Variants in FAP observed in about 807,000 individuals in gnomAD.
The protein encoded by FAP is prolyl endopeptidase FAP.
FAP carries 110 observed loss-of-function variants against 126.5 expected under a neutral mutation model. That is an observed-to-expected ratio of 0.87 (90% CI 0.74 to 1.02). The LOEUF (loss-of-function observed/expected upper bound fraction) is 1.02. Ranked by LOEUF, FAP falls within the 50% of genes least tolerant of loss-of-function variation. The probability of loss-of-function intolerance (pLI) is 0.00; values close to 1 mark genes in which losing one functional copy is unlikely to be tolerated. For synonymous variants in FAP, 334 were observed against 297.3 expected, an observed-to-expected ratio of 1.12 and a Z score of -1.27; for missense variants, 919 against 909.2, an observed-to-expected ratio of 1.01 and a Z score of -0.14.
intron 4 of FAP, 50 bp from the exon 5 acceptor site, chr2:162,224,590 C>G: frequency 1.1e-5 from 13 of 1,148,210 alleles, no homozygotes; most frequent in Non-Finnish European, 1.6e-5. Flanking sequence ...AACAAAGAAC[C>G]ATGTAAATTT....
intron 11 of FAP, among the ~76,000 whole-genome samples, chr2:162,211,276 T>C (rs564100966): frequency 6.6e-6 from 1 of 152,308 alleles, no homozygotes; most frequent in South Asian, 2.1e-4. Context: ...GGTTCCCGAA[T>C]GACTATATGA....
intron 5 of FAP, among the ~76,000 whole-genome samples, chr2:162,224,067 C>T (rs1232908096): frequency 6.6e-6 from 1 of 151,896 alleles, no homozygotes; most frequent in African/African-American, 2.4e-5. Flanking sequence ...CTAATTATAC[C>T]CTTTAAAATT....
chr2:162,231,263 A>G (rs1689891958), intron 2 of FAP, among the ~76,000 whole-genome samples: 1 of 152,164 alleles, frequency 6.6e-6, no homozygotes, highest in Non-Finnish European at 1.5e-5. Flanking sequence ...CACAGCATCA[A>G]ATACACTAAA....
chr2:162,224,283 A>G (rs3827491), intron 5 of FAP, among the ~76,000 whole-genome samples, 183 bp downstream of exon 5: 20,635 of 152,132 alleles, frequency 0.14, 3,229 homozygotes, highest in African/African-American at 0.36. Flanking sequence ...TCCTTAAAGC[A>G]CTTTCACGCT....
chr2:162,177,039 T>C (rs1424460752), intron 21 of FAP, among the ~76,000 whole-genome samples: 2 of 152,036 alleles, frequency 1.3e-5, no homozygotes, highest in African/African-American at 2.4e-5. Flanking sequence ...ATTGTAGAAA[T>C]GAAGAGGGGG....
In FAP at chr2:162,171,160, AC is replaced by A. The variant is rs1687292724; in HGVS notation, c.2182-81del. ...GCTTGGACTTTTTTGTGCTCTCAGG[AC>A]CTGATAATCTTTCTATTATGGGGAA... is the stretch of plus-strand genomic sequence containing the variant. On this transcript the variant is annotated intron_variant, in intron 25 of 25. Transcript: ENST00000188790. 4 of 988,998 alleles carry A rather than the reference AC, an allele frequency of 4.0e-6. No homozygotes were observed. In the East Asian group the frequency reaches 7.2e-5, roughly 18 times the overall value. 61.3% of individuals were successfully genotyped at this position (988,998 alleles called of 1,614,324 possible).
intron 10 of FAP, among the ~76,000 whole-genome samples, chr2:162,214,836 A>G (rs1287843536): frequency 6.6e-6 from 1 of 152,038 alleles, no homozygotes; most frequent in Non-Finnish European, 1.5e-5. Flanking sequence ...GAATAATAAT[A>G]TTACCTATTT....
intron 8 of FAP, among the ~76,000 whole-genome samples, chr2:162,218,594 TAG>T (rs1689254487): frequency 1.3e-5 from 2 of 151,828 alleles, no homozygotes; most frequent in East Asian, 3.9e-4. Flanking sequence ...GATAGATAGA[TAG>T]ATAGATAAAT....
chr2:162,190,954 A>T (rs1688020770), intron 17 of FAP, among the ~76,000 whole-genome samples: 1 of 152,144 alleles, frequency 6.6e-6, no homozygotes, highest in Non-Finnish European at 1.5e-5. Flanking sequence ...AATGAATTTC[A>T]CATTAACTTT....
intron 12 of FAP, chr2:162,209,631 G>A: frequency 4.6e-6 from 1 of 216,410 alleles, no homozygotes; most frequent in South Asian, 1.4e-4. Context: ...TAACAGATCA[G>A]GGATTTTGTC....
chr2:162,200,739 T>G, intron 14 of FAP, 120 bp from the exon 15 acceptor site: 2 of 523,906 alleles, frequency 3.8e-6, no homozygotes, highest in Non-Finnish European at 6.8e-6. Context: ...AATTAATTGG[T>G]GCTTAAGTAC....
chr2:162,212,928 A>C (rs1242164562), intron 11 of FAP, among the ~76,000 whole-genome samples: 1 of 152,224 alleles, frequency 6.6e-6, no homozygotes, highest in Admixed American at 6.5e-5. Context: ...TAATAGAAAC[A>C]ATTAAAACTC....
rs1265449086 is a variant in FAP at position 162,236,330 on chromosome 2, G to A, written c.91+6578C>T. 2.0e-5 allele frequency among the ~76,000 whole-genome samples: 3 copies of A among 152,118 alleles called. No individual in the cohort carries two copies. In the South Asian group the frequency reaches 6.2e-4, roughly 32 times the overall value. Reference sequence around the variant, plus strand: ...GGTAATACCTTATAGAATGAGTTGGGAAGTGTTTTCTTTCATTTTTTGAAA... The same window carrying A: ...GGTAATACCTTATAGAATGAGTTGGAAAGTGTTTTCTTTCATTTTTTGAAA... On this transcript the variant is annotated intron_variant, in intron 2 of 25. Coordinates refer to ENST00000188790, the MANE Select transcript of FAP (RefSeq NM_004460.5).
chr2:162,223,610 A>C lies in FAP; in HGVS notation c.411T>G (p.Asn137Lys). The C allele has an allele frequency of 6.3e-7, 1 of 1,588,800 alleles. No individual in the cohort carries two copies. The highest frequency in any genetic ancestry group is 8.6e-7 in the Non-Finnish European group (1 of 1,157,276). Residue 137 changes from asparagine (N) to lysine (K), a missense_variant and splice_region_variant, in exon 6 of 26, where the codon AAT becomes AAG. Transcript: ENST00000188790. ...ATTAATAAACAGAGGTGATTTACCC[A>C]TTGCTAAGGTCATAGATGTAATATG... ...TATYYIYDLS[N>K]GEFVRGNELP...
At position 162,203,269 on chromosome 2, in the gene FAP, G is replaced by A. The variant is rs1007361806; in HGVS notation, c.1048-124C>T. 2.7e-5 allele frequency: 17 copies of A among 621,148 alleles called. No homozygotes were observed. In the African/African-American group the frequency reaches 3.1e-4, roughly 11 times the overall value. The allele number at this position is 621,148 out of a possible 1,614,324, so 38.5% of individuals were successfully genotyped here. On this transcript the variant is annotated intron_variant, in intron 12 of 25. Transcript: ENST00000188790. ...GGAATCAGAATGTCTCGCCTCCTCT[G>A]TCTTCTGTCATTCACATCTGAAATC...
At chr2:162,172,687 C>A (rs1687353422) in intron 25 of FAP, 124 bp downstream of exon 25, 11 of 649,748 alleles carry the variant, frequency 1.7e-5, no homozygotes, top group Non-Finnish European at 3.0e-5. Context: ...AATGTTCTGC[C>A]TACTCTATCC....
intron 12 of FAP, among the ~76,000 whole-genome samples, chr2:162,207,741 C>T (rs1212008148): frequency 6.7e-6 from 1 of 149,522 alleles, no homozygotes; most frequent in Non-Finnish European, 1.5e-5. Context: ...GACAGAGTCT[C>T]GCTCTGTCGC....
intron 25 of FAP, 48 bp from the exon 26 acceptor site, chr2:162,171,128 G>T: frequency 6.7e-7 from 1 of 1,489,910 alleles, no homozygotes; most frequent in Non-Finnish European, 9.3e-7. Context: ...GTCATCAAAT[G>T]CATTTAGCTT....
chr2:162,225,971 G>GA, intron 3 of FAP, among the ~76,000 whole-genome samples: 1 of 152,144 alleles, frequency 6.6e-6, no homozygotes, highest in East Asian at 1.9e-4. Context: ...TTTCTAAAGA[G>GA]AAAAAATTAA....
Sources: allele counts gnomAD v4.1 joint callset (sites outside exome capture counted in the v4.1 genomes callset), GRCh38; gene constraint gnomAD v4.1.1; transcripts MANE v1.5; gene names NCBI Gene and HGNC (gene_info 2026-07-23, HGNC 2026-07-21).